INPP4B: variants seen among roughly 807,000 people sequenced by gnomAD.
INPP4B encodes the protein inositol polyphosphate-4-phosphatase type II B, also known as inositol polyphosphate 4-phosphatase type II.
A neutral mutation model predicts 122.5 loss-of-function variants in INPP4B; 55 were observed. The ratio of observed to expected loss-of-function variants is 0.45; its 90% CI spans 0.36 to 0.56. The LOEUF (loss-of-function observed/expected upper bound fraction) is 0.56, where lower values mean the gene tolerates loss of function less well. Among genes scored for constraint, INPP4B ranks in the 20% least tolerant of loss-of-function variants. The pLI, the probability that INPP4B is intolerant of heterozygous loss-of-function variation, is 0.00. For missense variants in INPP4B, 1,000 were observed against 1,097.7 expected (o/e 0.91, Z 1.26); for synonymous variants, 403 against 388.7 (o/e 1.04, Z -0.43).
intron 3 of INPP4B, among the ~76,000 whole-genome samples, chr4:142,455,284 C>T (rs1815146681): frequency 6.6e-6 from 1 of 151,976 alleles, no homozygotes; most frequent in Non-Finnish European, 1.5e-5. Flanking sequence ...TATTTTCGTA[C>T]ACATTAACCA....
chr4:142,620,397 G>T (rs1241869927), intron 2 of INPP4B, among the ~76,000 whole-genome samples: 1 of 151,924 alleles, frequency 6.6e-6, no homozygotes, highest in African/African-American at 2.4e-5. Context: ...GTGAATTAAT[G>T]CAGGAACAGA....
chr4:142,650,672 T>C (rs1419215641), intron 2 of INPP4B, among the ~76,000 whole-genome samples: 3 of 152,122 alleles, frequency 2.0e-5, no homozygotes, highest in African/African-American at 7.2e-5. Flanking sequence ...AAGAGCTAAC[T>C]ATCCTAAATA....
At chr4:142,498,440 A>G (rs1822936715) in intron 2 of INPP4B, among the ~76,000 whole-genome samples, 1 of 152,066 alleles carries the variant, frequency 6.6e-6, no homozygotes, top group Non-Finnish European at 1.5e-5. Flanking sequence ...TGATTTTGTG[A>G]GACAGTCAAC....
chr4:142,292,461 T>C (rs1290218575), intron 9 of INPP4B, among the ~76,000 whole-genome samples: 1 of 152,174 alleles, frequency 6.6e-6, no homozygotes, highest in East Asian at 1.9e-4. Context: ...CCAAGAACCA[T>C]TAGAGACCAT....
chr4:142,168,698 T>G (rs2152932941), intron 16 of INPP4B, among the ~76,000 whole-genome samples: 1 of 151,732 alleles, frequency 6.6e-6, no homozygotes, highest in African/African-American at 2.4e-5. Context: ...TCCTAATATT[T>G]ATTTCTGTGG....
At chr4:142,530,482 A>C (rs1389246523) in intron 2 of INPP4B, among the ~76,000 whole-genome samples, 1 of 151,854 alleles carries the variant, frequency 6.6e-6, no homozygotes, top group Non-Finnish European at 1.5e-5. Flanking sequence ...GGAAGGAAAA[A>C]TGGAATAAAC....
chr4:142,732,452 T>G lies in INPP4B; in HGVS notation c.-253-6551A>C, dbSNP rs191392712. Among the ~76,000 whole-genome samples, 373 of 152,004 alleles carry G rather than the reference T, an allele frequency of 2.5e-3. 1 individual carries two copies. The highest frequency in any genetic ancestry group is 8.6e-3 in the African/African-American group (355 of 41,378). ...TACATTTAAAATGAAAATAATGTTT[T>G]TAAAGAGTCTGCAGAAAACTATTAG... On this transcript the variant is annotated intron_variant, in intron 1 of 25. Coordinates refer to ENST00000262992, the MANE Select transcript of INPP4B (RefSeq NM_001101669.3).
intron 7 of INPP4B, among the ~76,000 whole-genome samples, chr4:142,377,234 C>T (rs929407270): frequency 1.5e-4 from 23 of 151,562 alleles, no homozygotes; most frequent in Admixed American, 2.6e-4. Flanking sequence ...TCCTGAAATT[C>T]GTAAATTTCA....
At chr4:142,112,281 A>C (rs753987580) in intron 22 of INPP4B, among the ~76,000 whole-genome samples, 1 of 152,210 alleles carries the variant, frequency 6.6e-6, no homozygotes, top group Non-Finnish European at 1.5e-5. Flanking sequence ...GAAACAAAGA[A>C]GGTTAATCCA....
intron 25 of INPP4B, chr4:142,030,310 A>G: frequency 2.0e-6 from 3 of 1,533,850 alleles, no homozygotes; most frequent in Middle Eastern, 3.4e-4. Context: ...CTGCTGTTAA[A>G]TGAGGGGAAG....
intron 2 of INPP4B, among the ~76,000 whole-genome samples, chr4:142,571,364 T>C (rs1197301369): frequency 6.6e-6 from 1 of 152,130 alleles, no homozygotes; most frequent in Non-Finnish European, 1.5e-5. Context: ...GTGAAATGAT[T>C]ACTGTAGTCA....
chr4:142,496,956 AG>A (rs35192514), intron 2 of INPP4B: 137,001 of 149,824 alleles, frequency 0.91, 63,775 homozygotes, highest in Non-Finnish European at 0.99. Flanking sequence ...CTAAAAAAAA[AG>A]GGGGGGGGAA....
intron 7 of INPP4B, among the ~76,000 whole-genome samples, chr4:142,337,092 C>T (rs1363356340): frequency 6.6e-6 from 1 of 151,928 alleles, no homozygotes; most frequent in Non-Finnish European, 1.5e-5. Flanking sequence ...TATTCCTTTG[C>T]CTTTCTTTGT....
intron 12 of INPP4B, among the ~76,000 whole-genome samples, chr4:142,221,724 T>C (rs1849475234): frequency 1.3e-5 from 2 of 152,198 alleles, no homozygotes; most frequent in African/African-American, 4.8e-5. Context: ...TCTATATCTG[T>C]GCTACCTAGT....
At chr4:142,633,628 T>C (rs1221214637) in intron 2 of INPP4B, among the ~76,000 whole-genome samples, 1 of 152,042 alleles carries the variant, frequency 6.6e-6, no homozygotes, top group Admixed American at 6.6e-5. Context: ...CCGAAAGCAA[T>C]GAGCAAATTT....
In INPP4B at chr4:142,157,956, C is replaced by G. The variant is rs1315767154; in HGVS notation, c.1563+2402G>C. ...ACCCACCCTCACATCTTCACATCCT[C>G]CCTGCAGTCTCAGGAGAAGTGCCTG... On this transcript the variant is annotated intron_variant, in intron 17 of 25. Transcript: ENST00000262992. Among the ~76,000 whole-genome samples, 10 of 152,030 alleles carry G rather than the reference C, an allele frequency of 6.6e-5. No individual in the cohort carries two copies. The South Asian group carries it at 1.0e-3, about 16-fold the overall frequency.
At chr4:142,564,566 G>T (rs917179790) in intron 2 of INPP4B, among the ~76,000 whole-genome samples, 1 of 151,880 alleles carries the variant, frequency 6.6e-6, no homozygotes, top group African/African-American at 2.4e-5. Flanking sequence ...ATTGATAAAG[G>T]CTTAGGCCAG....
At position 142,735,090 on chromosome 4, in the gene INPP4B, T is replaced by C. The variant is rs1766667331; in HGVS notation, c.-253-9189A>G. Among the ~76,000 whole-genome samples the C allele has an allele frequency of 1.3e-5, 2 of 152,364 alleles. 1 individual carries two copies. ...GCTGCACCTGAAGACAACAGCAGTCTTTCCCTAGAACACATTCTGTTTTTA... is the reference window on the plus strand; with the variant it reads ...GCTGCACCTGAAGACAACAGCAGTCCTTCCCTAGAACACATTCTGTTTTTA... On this transcript the variant is annotated intron_variant, in intron 1 of 25. Coordinates refer to ENST00000262992, the MANE Select transcript of INPP4B (RefSeq NM_001101669.3).
At chr4:142,789,146 T>C (rs1354301431) in intron 1 of INPP4B, among the ~76,000 whole-genome samples, 3 of 152,084 alleles carry the variant, frequency 2.0e-5, no homozygotes, top group Non-Finnish European at 4.4e-5. Flanking sequence ...GGGAAAAAGT[T>C]GAAAGCATTC....
Sources: allele counts gnomAD v4.1 joint callset (sites outside exome capture counted in the v4.1 genomes callset), GRCh38; gene constraint gnomAD v4.1.1; transcripts MANE v1.5; gene names NCBI Gene and HGNC (gene_info 2026-07-23, HGNC 2026-07-21).